Variants in ZFP91 observed in about 807,000 individuals in gnomAD.
The protein encoded by ZFP91 is ZFP91 zinc finger protein, atypical E3 ubiquitin ligase, also known as E3 ubiquitin-protein ligase ZFP91.
Under a neutral mutation model 63.5 loss-of-function variants are expected in ZFP91, and 7 were observed. The observed-to-expected ratio is 0.11, with a 90% CI of 0.06 to 0.21. ZFP91 has a LOEUF of 0.21. ZFP91 is among the 10% of genes least tolerant of loss of function. ZFP91 has a pLI of 1.00. For synonymous variants in ZFP91, 330 were observed against 272.1 expected (o/e 1.21, Z -2.10); for missense variants, 628 against 736.6 (o/e 0.85, Z 1.71).
chr11:58,601,118 T>A (rs924277490), intron 2 of ZFP91, among the ~76,000 whole-genome samples: 2 of 152,154 alleles, frequency 1.3e-5, no homozygotes, highest in African/African-American at 4.8e-5. Context: ...AATGCTGTGT[T>A]TATAGGATGT....
At chr11:58,588,369 G>A (rs966581675) in intron 2 of ZFP91, among the ~76,000 whole-genome samples, 5 of 152,016 alleles carry the variant, frequency 3.3e-5, no homozygotes, top group African/African-American at 1.2e-4. Flanking sequence ...ACCTTACCTA[G>A]TTTATCATAA....
intron 2 of ZFP91, among the ~76,000 whole-genome samples, chr11:58,603,198 A>G (rs1034806673): frequency 6.6e-6 from 1 of 152,214 alleles, no homozygotes; most frequent in African/African-American, 2.4e-5. Flanking sequence ...ATCTGAGTAG[A>G]TTTACAAACA....
At position 58,617,711 on chromosome 11, in the gene ZFP91, C is replaced by G; in HGVS notation, c.*5C>G. ...TCAGACTCTGCCGGACCTTAGTGGA[C>G]AGGAAGACTTGGGGCATGGGACAGC... On this transcript the variant is annotated 3_prime_UTR_variant, in exon 11 of 11. Transcript: ENST00000316059. The surrounding 1 kb of genome is among the most constrained non-coding windows in gnomAD (Gnocchi z 4.2). 1 of 1,491,016 alleles carries G rather than the reference C, an allele frequency of 6.7e-7. No homozygotes were observed. The highest frequency in any genetic ancestry group is 8.9e-7 in the Non-Finnish European group (1 of 1,121,090). 92.4% of individuals were successfully genotyped at this position (1,491,016 alleles called of 1,614,324 possible).
chr11:58,615,341 C>T (rs1024344344), intron 9 of ZFP91, among the ~76,000 whole-genome samples: 1 of 152,124 alleles, frequency 6.6e-6, no homozygotes, highest in African/African-American at 2.4e-5. Flanking sequence ...TTCTCTGTTC[C>T]TTCTGCTCCC....
At chr11:58,584,555 T>C (rs1855171960) in intron 1 of ZFP91, among the ~76,000 whole-genome samples, 1 of 152,188 alleles carries the variant, frequency 6.6e-6, no homozygotes, top group Non-Finnish European at 1.5e-5. Flanking sequence ...ATAGGTGTTT[T>C]GAATGATATT....
At chr11:58,608,960 A>G (rs1004379318) in intron 2 of ZFP91, among the ~76,000 whole-genome samples, 6 of 152,136 alleles carry the variant, frequency 3.9e-5, no homozygotes, top group African/African-American at 1.4e-4. Context: ...GATTTTTGCC[A>G]TGAGGAAAAT....
chr11:58,599,257 C>A (rs766589755), intron 2 of ZFP91, among the ~76,000 whole-genome samples: 9 of 151,968 alleles, frequency 5.9e-5, no homozygotes, highest in Non-Finnish European at 1.3e-4. Context: ...AATTGTGCTT[C>A]TATGAATATT....
chr11:58,617,549 A>T lies in ZFP91; in HGVS notation c.1556A>T (p.Tyr519Phe). The T allele has an allele frequency of 1.2e-6, 2 of 1,613,894 alleles. No individual in the cohort carries two copies. The highest frequency in any genetic ancestry group is 1.3e-5 in the African/African-American group (1 of 75,028). Residue 519 changes from tyrosine (Y) to phenylalanine (F), a missense_variant, in exon 11 of 11, where the codon TAC becomes TTC. Transcript: ENST00000316059. The surrounding 1 kb of genome is among the most constrained non-coding windows in gnomAD (Gnocchi z 4.2). ...LLEAEGMSKS[Y>F]CSGTERVSLM... is the part of the protein sequence containing the mutation. ...GAAGCTGAAGGGATGTCAAAGTCAT[A>T]CTGCAGTGGGACGGAACGGGTGAGC... is the stretch of plus-strand genomic sequence containing the variant.
At chr11:58,612,886 A>G (rs780797656) in intron 8 of ZFP91, 46 bp downstream of exon 8, 2 of 1,529,120 alleles carry the variant, frequency 1.3e-6, no homozygotes, top group East Asian at 2.3e-5. Flanking sequence ...GTGTTCCATT[A>G]CTTGTTCTTG....
chr11:58,618,954 C>CA lies in ZFP91; in HGVS notation c.*1248_*1249insA. 1 of 229,980 alleles carries CA rather than the reference C, an allele frequency of 4.3e-6. No homozygotes were observed. Among genetic ancestry groups the CA allele is most frequent in the South Asian group, 5.0e-5 (1 of 20,106 alleles). 14.2% of individuals were successfully genotyped at this position (229,980 alleles called of 1,614,324 possible). The stretch of plus-strand genomic sequence containing the variant: ...GTTTCTTGTGAATTTGTTTCTTTTC[C>CA]TTTTTTTTTGTCCCTACCATTTCCT... On this transcript the variant is annotated 3_prime_UTR_variant, in exon 11 of 11. Coordinates refer to ENST00000316059, the MANE Select transcript of ZFP91 (RefSeq NM_053023.5).
intron 2 of ZFP91, among the ~76,000 whole-genome samples, chr11:58,605,265 CAT>C (rs760164359): frequency 6.6e-6 from 1 of 152,160 alleles, no homozygotes; most frequent in East Asian, 1.9e-4. Flanking sequence ...TGCCCATTAA[CAT>C]AAATTTACAG....
At chr11:58,612,118 A>G (rs1285073412) in intron 6 of ZFP91, 160 bp from the exon 7 acceptor site, 1 of 700,420 alleles carries the variant, frequency 1.4e-6, no homozygotes, top group East Asian at 2.7e-5. Flanking sequence ...GGGTAAAATT[A>G]CTTGCTTGAT....
intron 2 of ZFP91, among the ~76,000 whole-genome samples, chr11:58,604,781 G>A (rs1855544963): frequency 6.6e-6 from 1 of 152,124 alleles, no homozygotes; most frequent in Non-Finnish European, 1.5e-5. Flanking sequence ...TGTATTTTAT[G>A]TGTGGCCCAA....
At chr11:58,580,404 C>G (rs562925067) in intron 1 of ZFP91, among the ~76,000 whole-genome samples, 1 of 152,186 alleles carries the variant, frequency 6.6e-6, no homozygotes, top group East Asian at 1.9e-4. Flanking sequence ...TTAAATTGTT[C>G]GTTAAAATAA....
intron 4 of ZFP91, 101 bp downstream of exon 4, chr11:58,610,435 G>A (rs1855641130): frequency 1.7e-6 from 2 of 1,197,894 alleles, no homozygotes; most frequent in Admixed American, 2.7e-5. Flanking sequence ...ATTTTGAGCT[G>A]TAAGAGAAAT....
At chr11:58,602,497 ATATT>A (rs1319830801) in intron 2 of ZFP91, among the ~76,000 whole-genome samples, 2 of 152,018 alleles carry the variant, frequency 1.3e-5, no homozygotes, top group Non-Finnish European at 2.9e-5. Context: ...GTATAGGTTT[ATATT>A]TATTATATTT....
At chr11:58,588,283 AAGTC>A in intron 2 of ZFP91, among the ~76,000 whole-genome samples, 1 of 152,308 alleles carries the variant, frequency 6.6e-6, no homozygotes, top group Middle Eastern at 3.4e-3. Flanking sequence ...AGGAAAAAAG[AAGTC>A]AGTCATCAGA....
At chr11:58,592,959 G>A (rs1312046353) in intron 2 of ZFP91, among the ~76,000 whole-genome samples, 1 of 152,078 alleles carries the variant, frequency 6.6e-6, no homozygotes, top group East Asian at 1.9e-4. Flanking sequence ...GTGAGAGCGA[G>A]AGAGAGGGGA....
chr11:58,611,224 T>C, intron 5 of ZFP91, 170 bp downstream of exon 5: 1 of 523,596 alleles, frequency 1.9e-6, no homozygotes, highest in Non-Finnish European at 3.2e-6. Context: ...ACCCTGATAA[T>C]AATCCTCTTT....
Sources: gnomAD v4.1 joint callset for allele counts (sites outside exome capture counted in the v4.1 genomes callset) on GRCh38, gnomAD v4.1.1 for gene constraint, Gnocchi (gnomAD v3.1) non-coding constraint, MANE v1.5 for transcripts, NCBI Gene and HGNC (gene_info 2026-07-23, HGNC 2026-07-21) for gene names.